The following CST6 variants were observed in gnomAD, a reference collection of about 807,000 sequenced individuals.
The protein encoded by CST6 is cystatin-M.
Under a neutral mutation model 10.7 loss-of-function variants are expected in CST6, and 8 were observed. That is an observed-to-expected ratio of 0.75 (90% CI 0.44 to 1.34). The LOEUF (loss-of-function observed/expected upper bound fraction) is 1.34, where lower values mean the gene tolerates loss of function less well. Among genes scored for constraint, CST6 ranks in the 40% most tolerant of loss-of-function variants. The probability of loss-of-function intolerance (pLI) is 0.01; values close to 1 mark genes in which losing one functional copy is unlikely to be tolerated. For missense variants in CST6, 206 were observed against 205.1 expected, an observed-to-expected ratio of 1.00 and a Z score of -0.03; for synonymous variants, 100 against 89.3, an observed-to-expected ratio of 1.12 and a Z score of -0.68.
intron 1 of CST6, among the ~76,000 whole-genome samples, 159 bp from the exon 2 acceptor site, chr11:66,012,667 C>T (rs1856180263): frequency 6.6e-5 from 1 of 15,064 alleles, no homozygotes. Context: ...CCAGAACTCC[C>T]CCCCCCACCC....
rs1358691323 is a variant in CST6 at position 66,012,189 on chromosome 11, C to T, written c.145C>T (p.Gln49Ter). 1.3e-6 allele frequency: 2 copies of T among 1,578,826 alleles called. No homozygotes were observed. Among genetic ancestry groups the T allele is most frequent in the Non-Finnish European group, 8.6e-7 (1 of 1,164,298 alleles). The change falls in exon 1 of 3, where the codon CAG becomes TAG. Residue 49 changes from glutamine to a stop codon, truncating the protein, a stop_gained. Transcript: ENST00000312134. LOFTEE classifies it high-confidence loss of function. ...CCTGTCGCCCGACGACCCGCAGGTG[C>T]AGAAGGCGGCGCAGGCGGCCGTGGC... ...RDLSPDDPQV[Q>*]KAAQAAVASY...
Position 66,012,157 on chromosome 11 carries a change from T to G in CST6, c.113T>G (p.Leu38Arg). Reference protein sequence around the residue: ...ARPQERMVGELRDLSPDDPQV... With the variant: ...ARPQERMVGERRDLSPDDPQV... ...CCGCAGGAGCGCATGGTCGGAGAAC[T>G]CCGGGACCTGTCGCCCGACGACCCG... Residue 38 changes from leucine to arginine, a missense_variant, in exon 1 of 3, where the codon CTC (leucine) becomes CGC (arginine). Coordinates refer to ENST00000312134, the MANE Select transcript of CST6 (RefSeq NM_001323.4). 1 of 1,558,548 alleles carries G rather than the reference T, an allele frequency of 6.4e-7. No homozygotes were observed. The highest frequency in any genetic ancestry group is 8.7e-7 in the Non-Finnish European group (1 of 1,155,248).
chr11:66,013,193 C>T, intron 2 of CST6, 124 bp from the exon 3 acceptor site: 1 of 1,026,340 alleles, frequency 9.7e-7, no homozygotes, highest in Non-Finnish European at 1.5e-6. Context: ...GGCTTGACAT[C>T]CGTTGGGTCA....
Position 66,012,123 on chromosome 11 carries a change from C to T in CST6, c.79C>T (p.Arg27Trp), listed in dbSNP as rs1273557884. The T allele has an allele frequency of 1.3e-6, 2 of 1,549,466 alleles. No individual in the cohort carries two copies. The highest frequency in any genetic ancestry group is 2.4e-5 in the South Asian group (2 of 85,012). ...CCTCCTGGCGCTGCCACGCGACGCC[C>T]GGGCCCGGCCGCAGGAGCGCATGGT... ...FCLLALPRDARARPQERMVGE... is the reference protein window; with the variant it reads ...FCLLALPRDAWARPQERMVGE... The change falls in exon 1 of 3, where the codon CGG (arginine) becomes TGG (tryptophan). Residue 27 changes from arginine (R) to tryptophan (W), a missense_variant. Physicochemically the swap from Arg to Trp is moderately radical, Grantham distance 101. Coordinates refer to ENST00000312134, the MANE Select transcript of CST6 (RefSeq NM_001323.4).
At chr11:66,012,395 T>A (rs1345625234) in intron 1 of CST6, 111 bp downstream of exon 1, 62 of 1,313,264 alleles carry the variant, frequency 4.7e-5, no homozygotes, top group Non-Finnish European at 4.9e-5. Context: ...GATATTTTCA[T>A]GCAATATTTT....
In CST6 at chr11:66,012,209, C is replaced by T. The variant is rs111737046; in HGVS notation, c.165C>T (p.Ala55=). ...DPQVQKAAQA[A]VASYNMGSNS... is the part of the protein sequence containing the mutation. ...AGGTGCAGAAGGCGGCGCAGGCGGC[C>T]GTGGCCAGCTACAACATGGGCAGCA... The change falls in exon 1 of 3, where the codon GCC becomes GCT. Residue 55 remains alanine (A), a synonymous_variant. Transcript: ENST00000312134. 1.2e-4 allele frequency: 192 copies of T among 1,592,672 alleles called. 1 individual carries two copies. In the East Asian group the frequency reaches 2.3e-3, roughly 19 times the overall value.
chr11:66,012,014 G>T lies in CST6; in HGVS notation c.-31G>T, dbSNP rs1395023936. 1 of 1,448,886 alleles carries T rather than the reference G, an allele frequency of 6.9e-7. No homozygotes were observed. The highest frequency in any genetic ancestry group is 9.0e-7 in the Non-Finnish European group (1 of 1,108,054). 89.8% of individuals were successfully genotyped at this position (1,448,886 alleles called of 1,614,324 possible). ...GCGCGGCCGCAAGCTCGGCACTCAC[G>T]GCTCTGAGGGCTCCGACGGCACTGA... On this transcript the variant is annotated 5_prime_UTR_variant, in exon 1 of 3. Transcript: ENST00000312134.
rs1856191192 is a variant in CST6, at chr11:66,013,431, T to A, written c.*31T>A. 1 of 1,585,446 alleles carries A rather than the reference T, an allele frequency of 6.3e-7. No individual in the cohort carries two copies. Among genetic ancestry groups the A allele is most frequent in the African/African-American group, 1.3e-5 (1 of 74,340 alleles). ...CCCCGAGGGCGAAGGCCATTGGGTT[T>A]GGGGCCATGGTGGAGGGCACTTCAG... On this transcript the variant is annotated 3_prime_UTR_variant, in exon 3 of 3. Coordinates refer to ENST00000312134, the MANE Select transcript of CST6 (RefSeq NM_001323.4).
chr11:66,013,297 C>T lies in CST6; in HGVS notation c.367-20C>T. The T allele has an allele frequency of 1.9e-6, 3 of 1,610,038 alleles. No homozygotes were observed. Among genetic ancestry groups the T allele is most frequent in the Non-Finnish European group, 2.6e-6 (3 of 1,176,266 alleles). On this transcript the variant is annotated intron_variant, in intron 2 of 2. Transcript: ENST00000312134. ...CGAGGCTGGGCTCACCCCTCCTTCT[C>T]CCCCATATTCCCTCCACAGAAGCTG...
chr11:66,012,664 T>TTCCC (rs1457740153), intron 1 of CST6, among the ~76,000 whole-genome samples, 162 bp from the exon 2 acceptor site: 3 of 14,486 alleles, frequency 2.1e-4, no homozygotes, highest in South Asian at 4.1e-3. Context: ...CCACCAGAAC[T>TTCCC]CCCCCCCCCA....
Position 66,012,906 on chromosome 11 carries a change from C to T in CST6, c.321C>T (p.His107=), listed in dbSNP as rs756517890. The change falls in exon 2 of 3, where the codon CAC becomes CAT. Residue 107 remains histidine (H), a synonymous_variant. Coordinates refer to ENST00000312134, the MANE Select transcript of CST6 (RefSeq NM_001323.4). ...GCAAGACCAGGGTCACTGGAGACCACGTCGACCTCACCACTTGCCCCCTGG... is the reference window on the plus strand; with the variant it reads ...GCAAGACCAGGGTCACTGGAGACCATGTCGACCTCACCACTTGCCCCCTGG... ...DCRKTRVTGD[H]VDLTTCPLAA... is the part of the protein sequence containing the mutation. The T allele has an allele frequency of 2.5e-6, 4 of 1,613,768 alleles. No individual in the cohort carries two copies. The highest frequency in any genetic ancestry group is 1.1e-5 in the South Asian group (1 of 91,074).
rs1856189799 is a variant in CST6 at position 66,013,304 on chromosome 11, A to G, written c.367-13A>G. 2 of 1,612,840 alleles carry G rather than the reference A, an allele frequency of 1.2e-6. No individual in the cohort carries two copies. Among genetic ancestry groups the G allele is most frequent in the African/African-American group, 1.3e-5 (1 of 74,956 alleles). On this transcript the variant is annotated splice_polypyrimidine_tract_variant and intron_variant, in intron 2 of 2. Transcript: ENST00000312134. ...GGGCTCACCCCTCCTTCTCCCCCAT[A>G]TTCCCTCCACAGAAGCTGCGCTGTG...
Position 66,012,841 on chromosome 11 carries a change from A to G in CST6, c.256A>G (p.Lys86Glu), listed in dbSNP as rs1390807959. The G allele has an allele frequency of 1.9e-6, 3 of 1,606,536 alleles. No individual in the cohort carries two copies. Among genetic ancestry groups the G allele is most frequent in the Non-Finnish European group, 2.6e-6 (3 of 1,174,062 alleles). ...KAQSQLVAGI[K>E]YFLTMEMGST... The stretch of plus-strand genomic sequence containing the variant: ...ATGCCCCCAGCTGGTGGCCGGCATC[A>G]AGTACTTCCTGACGATGGAGATGGG... Residue 86 changes from lysine to glutamate, a missense_variant, in exon 2 of 3, where the codon AAG (lysine) becomes GAG (glutamate). Coordinates refer to ENST00000312134, the MANE Select transcript of CST6 (RefSeq NM_001323.4).
intron 2 of CST6, 141 bp from the exon 3 acceptor site, chr11:66,013,176 G>C (rs1407043866): frequency 2.0e-6 from 2 of 988,622 alleles, no homozygotes; most frequent in Admixed American, 1.8e-5. Context: ...TCTAGCCCCA[G>C]ACATGCGGCT....
chr11:66,012,397 C>A, intron 1 of CST6, 113 bp downstream of exon 1: 2 of 1,302,778 alleles, frequency 1.5e-6, no homozygotes, highest in Non-Finnish European at 2.0e-6. Flanking sequence ...TATTTTCATG[C>A]AATATTTTAA....
rs1856185438 is a variant in CST6 at position 66,012,939 on chromosome 11, G to A, written c.354G>A (p.Gly118=). The A allele has an allele frequency of 6.2e-7, 1 of 1,613,326 alleles. No homozygotes were observed. The highest frequency in any genetic ancestry group is 1.3e-5 in the African/African-American group (1 of 74,824). ...TCACCACTTGCCCCCTGGCAGCAGG[G>A]GCGCAGCAGGAGGTAACAGCTGGGC... ...VDLTTCPLAA[G]AQQEKLRCDF... Residue 118 remains glycine (G), a synonymous_variant, in exon 2 of 3, where the codon GGG becomes GGA. Coordinates refer to ENST00000312134, the MANE Select transcript of CST6 (RefSeq NM_001323.4).
chr11:66,012,011 C>G lies in CST6; in HGVS notation c.-34C>G. 3 of 1,445,204 alleles carry G rather than the reference C, an allele frequency of 2.1e-6. No individual in the cohort carries two copies. In the East Asian group the frequency reaches 8.0e-5, roughly 39 times the overall value. 89.5% of individuals were successfully genotyped at this position (1,445,204 alleles called of 1,614,324 possible). A position where few individuals can be genotyped will look rare whatever the true frequency, so the allele number is the denominator to read the frequency against. ...GCTGCGCGGCCGCAAGCTCGGCACT[C>G]ACGGCTCTGAGGGCTCCGACGGCAC... On this transcript the variant is annotated 5_prime_UTR_variant, in exon 1 of 3. Transcript: ENST00000312134.
intron 2 of CST6, 36 bp from the exon 3 acceptor site, chr11:66,013,281 G>A (rs1488733271): frequency 6.3e-7 from 1 of 1,586,048 alleles, no homozygotes; most frequent in African/African-American, 1.3e-5. Flanking sequence ...TCGAGGCTGG[G>A]CTCACCCCTC....
chr11:66,012,674 A>ACAC (rs1856180919), intron 1 of CST6, 152 bp from the exon 2 acceptor site: 94 of 41,484 alleles, frequency 2.3e-3, no homozygotes, highest in Admixed American at 4.5e-3. Context: ...TCCCCCCCCC[A>ACAC]CCCCCCCCCA....
Sources: gnomAD v4.1 joint callset for allele counts (sites outside exome capture counted in the v4.1 genomes callset) on GRCh38, gnomAD v4.1.1 for gene constraint, MANE v1.5 for transcripts, NCBI Gene and HGNC (gene_info 2026-07-23, HGNC 2026-07-21) for gene names.